OPHN1: variants seen among roughly 807,000 people sequenced by gnomAD.
OPHN1 encodes oligophrenin-1.
OPHN1 carries 11 observed loss-of-function variants against 60.7 expected under a neutral mutation model. That is an observed-to-expected ratio of 0.18 (90% CI 0.11 to 0.30). The LOEUF (loss-of-function observed/expected upper bound fraction) is 0.30. OPHN1 is among the 10% of genes least tolerant of loss of function. The pLI is 1.00. For missense variants in OPHN1, 449 were observed against 611.0 expected (o/e 0.73, Z 2.80); for synonymous variants, 226 against 222.6 (o/e 1.02, Z -0.14).
chrX:68,122,083 C>T (rs749962635), intron 15 of OPHN1, among the ~76,000 whole-genome samples: 16 of 111,024 alleles, frequency 1.4e-4, no homozygotes, highest in African/African-American at 4.9e-4. Context: ...TGACTCAACA[C>T]GTTCCCAGCT....
chrX:68,268,678 C>T (rs2077947789), intron 5 of OPHN1, among the ~76,000 whole-genome samples: 1 of 111,386 alleles, frequency 9.0e-6, no homozygotes, highest in Non-Finnish European at 1.9e-5. Flanking sequence ...TGAAAACTGG[C>T]ACAAGACAGG....
intron 2 of OPHN1, among the ~76,000 whole-genome samples, chrX:68,431,583 A>ATTTTTTTTTTT (rs367572189): frequency 1.1e-5 from 1 of 93,582 alleles, no homozygotes; most frequent in Non-Finnish European, 2.1e-5. Flanking sequence ...TGCCCAGCTA[A>ATTTTTTTTTTT]TTTTTTTTTT....
Position 68,336,383 on chromosome X carries a change from A to G in OPHN1, c.155-37287T>C, listed in dbSNP as rs774842257. Reference sequence around the variant, plus strand: ...ACAAAAAAATAAAATAATAAAATTAATTAATTAATTAATTTAAAAAATTAG... The same window carrying G: ...ACAAAAAAATAAAATAATAAAATTAGTTAATTAATTAATTTAAAAAATTAG... On this transcript the variant is annotated intron_variant, in intron 2 of 24. Transcript: ENST00000355520. 4.8e-4 allele frequency: 52 copies of G among 109,018 alleles called. 1 individual carries two copies. The Admixed American group carries it at 5.2e-3, about 11-fold the overall frequency. The allele number at this position is 109,018 out of a possible 1,213,427, so 9.0% of individuals were successfully genotyped here.
At chrX:68,051,924 GAAAC>G (rs1431140224) in intron 23 of OPHN1, among the ~76,000 whole-genome samples, 3 of 111,760 alleles carry the variant, frequency 2.7e-5, no homozygotes, top group Admixed American at 9.5e-5. Flanking sequence ...CATGAACAGA[GAAAC>G]AGACAGATAA....
chrX:68,138,800 T>C (rs923998983), intron 15 of OPHN1, among the ~76,000 whole-genome samples: 2 of 112,118 alleles, frequency 1.8e-5, no homozygotes, highest in Non-Finnish European at 3.8e-5. Flanking sequence ...TGATAGGACT[T>C]GCCCAAGGTC....
intron 5 of OPHN1, among the ~76,000 whole-genome samples, chrX:68,272,058 C>T (rs1452961307): frequency 9.5e-6 from 1 of 105,110 alleles, no homozygotes; most frequent in South Asian, 4.6e-4. Flanking sequence ...TAAGAGTGTG[C>T]TCACTATAAA....
At chrX:68,367,098 G>A (rs143912712) in intron 2 of OPHN1, among the ~76,000 whole-genome samples, 644 of 110,662 alleles carry the variant, frequency 5.8e-3, no homozygotes, top group Non-Finnish European at 9.3e-3. Flanking sequence ...GGTGGCTCAC[G>A]CCTGTAATCC....
At chrX:68,357,467 T>C (rs1733972430) in intron 2 of OPHN1, among the ~76,000 whole-genome samples, 1 of 109,060 alleles carries the variant, frequency 9.2e-6, no homozygotes, top group South Asian at 4.2e-4. Context: ...GTGTTCTCAT[T>C]GTTCAATTCC....
intron 2 of OPHN1, among the ~76,000 whole-genome samples, chrX:68,324,932 T>C (rs1227133740): frequency 9.2e-6 from 1 of 108,501 alleles, no homozygotes; most frequent in Non-Finnish European, 1.9e-5. Context: ...GCACTTGCAG[T>C]CCCAGCTACG....
chrX:68,292,715 C>T (rs1013490573), intron 3 of OPHN1, among the ~76,000 whole-genome samples: 3 of 111,287 alleles, frequency 2.7e-5, no homozygotes, highest in African/African-American at 6.5e-5. Flanking sequence ...CATATGACTT[C>T]GAGTCATGGA....
At chrX:68,354,586 C>A (rs2078430717) in intron 2 of OPHN1, among the ~76,000 whole-genome samples, 1 of 106,174 alleles carries the variant, frequency 9.4e-6, no homozygotes, top group African/African-American at 3.5e-5. Context: ...GGTGAAACCC[C>A]GACTCTACTA....
At chrX:68,090,024 T>A (rs1953948709) in intron 19 of OPHN1, among the ~76,000 whole-genome samples, 1 of 112,237 alleles carries the variant, frequency 8.9e-6, no homozygotes, top group Admixed American at 9.4e-5. Context: ...CAGATTCAAT[T>A]GAGAATGTTT....
chrX:68,260,474 A>G (rs1004734711), intron 5 of OPHN1, among the ~76,000 whole-genome samples: 1 of 110,471 alleles, frequency 9.1e-6, no homozygotes, highest in African/African-American at 3.3e-5. Flanking sequence ...TTCAGAGTGC[A>G]GGGTAGTAGA....
upstream of OPHN1, chrX:68,433,563 C>T (rs2078896984): frequency 6.9e-6 from 2 of 291,857 alleles, no homozygotes; most frequent in Admixed American, 1.2e-4. Context: ...CGCCTGCGCC[C>T]CGCCCCAGCG....
At chrX:68,196,942 G>C (rs932733017) in intron 12 of OPHN1, among the ~76,000 whole-genome samples, 1 of 111,889 alleles carries the variant, frequency 8.9e-6, no homozygotes, top group African/African-American at 3.2e-5. Context: ...AGGGAGCTGA[G>C]AGATCTGCAT....
intron 15 of OPHN1, among the ~76,000 whole-genome samples, chrX:68,126,801 C>T (rs1385046956): frequency 2.7e-5 from 3 of 112,001 alleles, no homozygotes; most frequent in Non-Finnish European, 5.6e-5. Flanking sequence ...TAGAGGATTG[C>T]CTGAAGAACA....
At chrX:68,148,534 A>G (rs1245407183) in intron 15 of OPHN1, among the ~76,000 whole-genome samples, 1 of 110,376 alleles carries the variant, frequency 9.1e-6, no homozygotes, top group Non-Finnish European at 1.9e-5. Context: ...AACAAGCAGA[A>G]TATGAGGAGG....
At chrX:68,185,769 A>C (rs1409896170) in intron 15 of OPHN1, among the ~76,000 whole-genome samples, 1 of 110,641 alleles carries the variant, frequency 9.0e-6, no homozygotes, top group Non-Finnish European at 1.9e-5. Flanking sequence ...AGAGAGCTGT[A>C]AGACAAGGCT....
intron 3 of OPHN1, among the ~76,000 whole-genome samples, chrX:68,292,933 A>G (rs1390142753): frequency 8.9e-6 from 1 of 111,861 alleles, no homozygotes; most frequent in African/African-American, 3.3e-5. Context: ...GTCTGGCAAA[A>G]TATTTGGTTC....
Sources: allele counts gnomAD v4.1 joint callset (sites outside exome capture counted in the v4.1 genomes callset), GRCh38; gene constraint gnomAD v4.1.1; transcripts MANE v1.5; gene names NCBI Gene and HGNC (gene_info 2026-07-23, HGNC 2026-07-21).